NLGN1: variants seen among roughly 807,000 people sequenced by gnomAD.
NLGN1 encodes the protein neuroligin 1, also known as neuroligin-1.
In NLGN1, 12 loss-of-function variants were observed where a neutral mutation model predicts 65.5. The observed-to-expected ratio is 0.18, with a 90% CI of 0.12 to 0.30. The LOEUF is 0.30. NLGN1 is among the 10% of genes least tolerant of loss of function. The pLI is 1.00. For missense variants in NLGN1, 750 were observed against 1,007.1 expected (o/e 0.74, Z 3.46); for synonymous variants, 350 against 359.5 (o/e 0.97, Z 0.30).
intron 4 of NLGN1, among the ~76,000 whole-genome samples, chr3:174,133,303 G>A (rs902296033): frequency 6.6e-6 from 1 of 152,124 alleles, no homozygotes; most frequent in Admixed American, 6.5e-5. Context: ...CTGTTTTCTT[G>A]TCTTGAGCCT....
At chr3:173,797,103 T>C (rs1333811856) in intron 3 of NLGN1, among the ~76,000 whole-genome samples, 2 of 152,066 alleles carry the variant, frequency 1.3e-5, no homozygotes, top group African/African-American at 2.4e-5. Flanking sequence ...CTTGAGATCA[T>C]GTAGGGATCT....
At chr3:173,918,630 CA>C (rs558281371) in intron 4 of NLGN1, among the ~76,000 whole-genome samples, 921 of 61,448 alleles carry the variant, frequency 0.015, 13 homozygotes, top group African/African-American at 0.04. Context: ...GACTCCATCT[CA>C]AAAAAAAAAA....
chr3:173,947,806 A>G lies in NLGN1; in HGVS notation c.646+139974A>G, dbSNP rs143460864. On this transcript the variant is annotated intron_variant, in intron 4 of 6. Transcript: ENST00000457714. ...CTATCAAATGCCAATATCCCTTTTC[A>G]TACTAATAGCCATACTTGGAATATA... Among the ~76,000 whole-genome samples the G allele has an allele frequency of 9.6e-4, 146 of 152,336 alleles. 2 individuals are homozygous for G. In the East Asian group the frequency reaches 0.024, roughly 26 times the overall value.
chr3:173,636,563 C>G (rs1394652700), intron 3 of NLGN1, among the ~76,000 whole-genome samples: 1 of 150,440 alleles, frequency 6.6e-6, no homozygotes, highest in Non-Finnish European at 1.5e-5. Context: ...TTTTTTTGCT[C>G]TTCAGACTGG....
intron 4 of NLGN1, among the ~76,000 whole-genome samples, chr3:174,209,612 A>AACC (rs1370708281): frequency 6.9e-6 from 1 of 144,844 alleles, no homozygotes; most frequent in Non-Finnish European, 1.5e-5. Flanking sequence ...GGTGTCTATC[A>AACC]ACCTTTCTTT....
chr3:174,183,155 C>A (rs767825255), intron 4 of NLGN1, among the ~76,000 whole-genome samples: 2 of 152,028 alleles, frequency 1.3e-5, no homozygotes, highest in African/African-American at 2.4e-5. Flanking sequence ...TGCCTGGCAC[C>A]TCCCGTCCCC....
rs370193288 is a variant in NLGN1, at chr3:174,106,980, TCACACA to T, written c.647-168302_647-168297del. Among the ~76,000 whole-genome samples, 220 of 113,154 alleles carry T rather than the reference TCACACA, an allele frequency of 1.9e-3. 2 individuals are homozygous for T. Among genetic ancestry groups the T allele is most frequent in the South Asian group, 5.1e-3 (16 of 3,140 alleles). The allele number at this position is 113,154 out of a possible 152,430, so 74.2% of individuals were successfully genotyped here. A position where few individuals can be genotyped will look rare whatever the true frequency, so the allele number is the denominator to read the frequency against. On this transcript the variant is annotated intron_variant, in intron 4 of 6. Transcript: ENST00000457714. The stretch of plus-strand genomic sequence containing the variant: ...ATTCAAATGACAATCTCTTCAAGAA[TCACACA>T]CACACACACACACACACACACACAC...
chr3:173,732,297 G>T (rs1772981684), intron 3 of NLGN1, among the ~76,000 whole-genome samples: 2 of 152,088 alleles, frequency 1.3e-5, no homozygotes, highest in Admixed American at 1.3e-4. Flanking sequence ...GGCTTACATT[G>T]AAAAGGAATT....
At chr3:173,976,349 T>G (rs577386595) in intron 4 of NLGN1, among the ~76,000 whole-genome samples, 95 of 152,194 alleles carry the variant, frequency 6.2e-4, no homozygotes, top group African/African-American at 2.3e-3. Context: ...CAACAATGAA[T>G]GTACTATGGT....
chr3:174,033,584 G>A (rs1730501403), intron 4 of NLGN1, among the ~76,000 whole-genome samples: 1 of 151,872 alleles, frequency 6.6e-6, no homozygotes. Flanking sequence ...TGAAAAACAG[G>A]TAACATAAGC....
chr3:173,742,021 A>G (rs1039069937), intron 3 of NLGN1, among the ~76,000 whole-genome samples: 1 of 152,058 alleles, frequency 6.6e-6, no homozygotes, highest in East Asian at 1.9e-4. Flanking sequence ...TTTTACATCA[A>G]CTAAGTTGCA....
At chr3:174,194,542 TTAGATTATAGTCTA>T (rs1733014356) in intron 4 of NLGN1, among the ~76,000 whole-genome samples, 1 of 152,020 alleles carries the variant, frequency 6.6e-6, no homozygotes, top group Non-Finnish European at 1.5e-5. Context: ...ATCAAGATAT[TTAGATTATAGTCTA>T]AGTTAAACAA....
intron 4 of NLGN1, among the ~76,000 whole-genome samples, chr3:174,248,342 T>C (rs1453884797): frequency 6.6e-6 from 1 of 152,186 alleles, no homozygotes; most frequent in Non-Finnish European, 1.5e-5. Flanking sequence ...GTCAGGCAAA[T>C]AGACAGTTGT....
chr3:174,073,111 A>G (rs1206682745), intron 4 of NLGN1, among the ~76,000 whole-genome samples: 3 of 151,740 alleles, frequency 2.0e-5, no homozygotes, highest in Non-Finnish European at 4.4e-5. Flanking sequence ...TATAACAACT[A>G]TCTAATCATA....
intron 3 of NLGN1, among the ~76,000 whole-genome samples, chr3:173,697,269 A>G (rs192410113): frequency 2.9e-4 from 44 of 152,322 alleles, no homozygotes; most frequent in African/African-American, 1.1e-3. Flanking sequence ...AGTGTGTCAA[A>G]GCAGGACTCA....
intron 4 of NLGN1, among the ~76,000 whole-genome samples, chr3:173,856,236 CAGTGGTAGTAATAGAA>C (rs1249361657): frequency 4.6e-5 from 7 of 151,266 alleles, no homozygotes. Flanking sequence ...CAGGCTTTTG[CAGTGGTAGTAATAGAA>C]ATATTGCTAA....
intron 3 of NLGN1, among the ~76,000 whole-genome samples, chr3:173,636,230 C>T (rs952710586): frequency 2.0e-5 from 3 of 151,950 alleles, no homozygotes; most frequent in Non-Finnish European, 4.4e-5. Flanking sequence ...CTGCTGCATC[C>T]CTGCACAGAA....
chr3:174,183,214 T>A (rs1383643658), intron 4 of NLGN1, among the ~76,000 whole-genome samples: 1 of 152,214 alleles, frequency 6.6e-6, no homozygotes, highest in Non-Finnish European at 1.5e-5. Context: ...AGCTCAAAAG[T>A]TCCCTCCTCC....
At chr3:174,116,806 C>T (rs1017166361) in intron 4 of NLGN1, among the ~76,000 whole-genome samples, 3 of 151,934 alleles carry the variant, frequency 2.0e-5, no homozygotes, top group African/African-American at 7.3e-5. Flanking sequence ...GGCATATGAG[C>T]CATATTTCAG....
Sources: gnomAD v4.1 joint callset for allele counts (sites outside exome capture counted in the v4.1 genomes callset) on GRCh38, gnomAD v4.1.1 for gene constraint, MANE v1.5 for transcripts, NCBI Gene and HGNC (gene_info 2026-07-23, HGNC 2026-07-21) for gene names.